Variants in EYS observed in about 807,000 individuals in gnomAD.
EYS encodes the protein protein eyes shut homolog.
A neutral mutation model predicts 282.1 loss-of-function variants in EYS; 250 were observed. The ratio of observed to expected loss-of-function variants is 0.89; its 90% CI spans 0.80 to 0.98. EYS has a LOEUF of 0.98. Ranked by LOEUF, EYS falls within the 50% of genes least tolerant of loss-of-function variation. EYS has a pLI of 0.00. For synonymous variants in EYS, 1,355 were observed against 1,282.9 expected, an observed-to-expected ratio of 1.06 and a Z score of -1.20; for missense variants, 4,016 against 3,709.0, an observed-to-expected ratio of 1.08 and a Z score of -2.15.
At chr6:64,502,423 G>A (rs1670976489) in intron 26 of EYS, among the ~76,000 whole-genome samples, 1 of 151,930 alleles carries the variant, frequency 6.6e-6, no homozygotes, top group Non-Finnish European at 1.5e-5. Flanking sequence ...GGGTTTCACC[G>A]TATTAGCCAG....
chr6:64,422,271 A>T (rs1774261990), intron 28 of EYS, among the ~76,000 whole-genome samples: 1 of 152,110 alleles, frequency 6.6e-6, no homozygotes, highest in African/African-American at 2.4e-5. Context: ...CTTTGTTTTG[A>T]GAACAGTCAC....
intron 39 of EYS, among the ~76,000 whole-genome samples, chr6:63,785,595 C>G (rs1424596229): frequency 6.6e-6 from 1 of 152,026 alleles, no homozygotes; most frequent in Non-Finnish European, 1.5e-5. Flanking sequence ...CATTAAAGGT[C>G]ATAGAAAAAA....
At chr6:63,771,235 T>C (rs940339787) in intron 40 of EYS, among the ~76,000 whole-genome samples, 2 of 152,100 alleles carry the variant, frequency 1.3e-5, no homozygotes, top group African/African-American at 4.8e-5. Flanking sequence ...TAAATTACTC[T>C]GCCTGAGACC....
chr6:64,862,800 A>G (rs959430949), intron 19 of EYS, among the ~76,000 whole-genome samples: 5 of 152,108 alleles, frequency 3.3e-5, no homozygotes, highest in African/African-American at 9.6e-5. Flanking sequence ...TTTTCTGCTA[A>G]TTTACATTGT....
intron 31 of EYS, among the ~76,000 whole-genome samples, chr6:64,141,368 A>G (rs1042233100): frequency 6.6e-6 from 1 of 152,238 alleles, no homozygotes; most frequent in Non-Finnish European, 1.5e-5. Flanking sequence ...CAGTTTTACT[A>G]TGAAAAGAGA....
At chr6:65,039,447 T>C (rs1375338379) in intron 13 of EYS, among the ~76,000 whole-genome samples, 1 of 151,500 alleles carries the variant, frequency 6.6e-6, no homozygotes, top group African/African-American at 2.4e-5. Flanking sequence ...TTGTATTTAA[T>C]AGACTTATTG....
At chr6:65,235,229 A>G (rs1275563535) in intron 12 of EYS, among the ~76,000 whole-genome samples, 1 of 152,174 alleles carries the variant, frequency 6.6e-6, no homozygotes, top group African/African-American at 2.4e-5. Flanking sequence ...CATGGAAAAT[A>G]GTATAACTGA....
chr6:64,429,969 T>C (rs138817861), intron 28 of EYS, among the ~76,000 whole-genome samples: 2,273 of 152,346 alleles, frequency 0.015, 16 homozygotes, highest in East Asian at 0.032. Flanking sequence ...TGGGATAATG[T>C]ACACATTTCA....
chr6:63,842,510 C>T (rs756440006), intron 36 of EYS, among the ~76,000 whole-genome samples: 7 of 152,122 alleles, frequency 4.6e-5, no homozygotes, highest in African/African-American at 7.2e-5. Context: ...GATATTAGCC[C>T]TTGATCAGAT....
At chr6:64,362,819 AT>A in intron 29 of EYS, among the ~76,000 whole-genome samples, 1 of 151,958 alleles carries the variant, frequency 6.6e-6, no homozygotes, top group African/African-American at 2.4e-5. Context: ...GGTTATTATT[AT>A]AAAGCCACTC....
intron 26 of EYS, among the ~76,000 whole-genome samples, chr6:64,564,008 C>A (rs2149813444): frequency 6.6e-6 from 1 of 151,572 alleles, no homozygotes; most frequent in South Asian, 2.1e-4. Flanking sequence ...ATCCTGCTTT[C>A]AAAAAAACAA....
At chr6:64,790,089 C>T (rs6942336) in intron 22 of EYS, among the ~76,000 whole-genome samples, 62,844 of 151,438 alleles carry the variant, frequency 0.41, 15,508 homozygotes, top group Admixed American at 0.59. Context: ...TTTAAGAAAA[C>T]GTTTATTTGC....
At chr6:64,194,207 G>A (rs1765208426) in intron 31 of EYS, among the ~76,000 whole-genome samples, 1 of 152,092 alleles carries the variant, frequency 6.6e-6, no homozygotes, top group South Asian at 2.1e-4. Context: ...GTACCTGGAA[G>A]AACACACCCC....
chr6:65,263,885 G>A (rs991534115), intron 12 of EYS, among the ~76,000 whole-genome samples: 7 of 151,858 alleles, frequency 4.6e-5, no homozygotes, highest in African/African-American at 1.5e-4. Context: ...GAACTCCAGC[G>A]TGGGCAACAC....
chr6:64,588,572 C>A (rs1443194753), intron 26 of EYS, among the ~76,000 whole-genome samples: 1 of 152,044 alleles, frequency 6.6e-6, no homozygotes, highest in African/African-American at 2.4e-5. Context: ...AGAAGCTTTC[C>A]ATTTTAGGTT....
At chr6:64,660,906 A>G (rs989989528) in intron 22 of EYS, among the ~76,000 whole-genome samples, 6 of 152,174 alleles carry the variant, frequency 3.9e-5, no homozygotes, top group Non-Finnish European at 8.8e-5. Context: ...TCATATGGAA[A>G]CAAAAATGAG....
At chr6:65,407,518 TG>T (rs1766800702) in intron 5 of EYS, among the ~76,000 whole-genome samples, 1 of 152,166 alleles carries the variant, frequency 6.6e-6, no homozygotes, top group South Asian at 2.1e-4. Flanking sequence ...CCTCCCAAAG[TG>T]CTGGGATTAC....
At chr6:64,147,063 C>G (rs1774543269) in intron 31 of EYS, among the ~76,000 whole-genome samples, 1 of 152,000 alleles carries the variant, frequency 6.6e-6, no homozygotes, top group Admixed American at 6.6e-5. Context: ...TTAGGGAGAT[C>G]TTCTAAGTCA....
At chr6:64,210,964 G>C (rs1433044359) in intron 31 of EYS, among the ~76,000 whole-genome samples, 1 of 152,164 alleles carries the variant, frequency 6.6e-6, no homozygotes, top group Non-Finnish European at 1.5e-5. Context: ...TCTAGCCTTT[G>C]GACTCTGAGC....
Sources: gnomAD v4.1 joint callset for allele counts (sites outside exome capture counted in the v4.1 genomes callset) on GRCh38, gnomAD v4.1.1 for gene constraint, MANE v1.5 for transcripts, NCBI Gene and HGNC (gene_info 2026-07-23, HGNC 2026-07-21) for gene names.